Variants in PIK3CD observed in about 807,000 individuals in gnomAD.
PIK3CD encodes phosphatidylinositol 4,5-bisphosphate 3-kinase catalytic subunit delta isoform.
Under a neutral mutation model 122.9 loss-of-function variants are expected in PIK3CD, and 20 were observed. The observed-to-expected ratio is 0.16, with a 90% CI of 0.11 to 0.24. The LOEUF is 0.24. PIK3CD is among the 10% of genes least tolerant of loss of function. The pLI is 1.00. For missense variants in PIK3CD, 787 were observed against 1,406.3 expected (o/e 0.56, Z 7.04); for synonymous variants, 596 against 593.4 (o/e 1.00, Z -0.06).
Position 9,710,651 on chromosome 1 carries a change from A to G in PIK3CD, c.141+55A>G. The G allele has an allele frequency of 6.3e-7, 1 of 1,592,346 alleles. No individual in the cohort carries two copies. The highest frequency in any genetic ancestry group is 1.1e-5 in the South Asian group (1 of 90,338). On this transcript the variant is annotated intron_variant, in intron 3 of 23. Transcript: ENST00000377346. This position sits in a 1 kb window ranked among gnomAD's most constrained non-coding sequence, Gnocchi z 4.7. ...GGTGCTCAGAGAGAGAGAGAGAGAGAGAGACACAGATAGACAGACAGACAG... is the reference window on the plus strand; with the variant it reads ...GGTGCTCAGAGAGAGAGAGAGAGAGGGAGACACAGATAGACAGACAGACAG...
chr1:9,670,698 T>C (rs1424453091), intron 1 of PIK3CD, among the ~76,000 whole-genome samples: 4 of 152,172 alleles, frequency 2.6e-5, no homozygotes, highest in Non-Finnish European at 5.9e-5. Flanking sequence ...GTTTTTACCA[T>C]TGGATGAATG....
chr1:9,673,310 C>T (rs1014267324), intron 1 of PIK3CD, among the ~76,000 whole-genome samples: 3 of 151,940 alleles, frequency 2.0e-5, no homozygotes, highest in Admixed American at 6.6e-5. Context: ...CCCCGGCTGG[C>T]GTGTAATGGT....
intron 3 of PIK3CD, among the ~76,000 whole-genome samples, chr1:9,711,921 G>A (rs1428181762): frequency 6.6e-6 from 1 of 151,382 alleles, no homozygotes; most frequent in Non-Finnish European, 1.5e-5. Context: ...TTTTGAGATG[G>A]AGTCCCGCTC....
rs544185743 is a variant in PIK3CD at position 9,723,209 on chromosome 1, C to T, written c.2511C>T (p.Ile837=). The T allele has an allele frequency of 6.2e-7, 1 of 1,613,902 alleles. No individual in the cohort carries two copies. Among genetic ancestry groups the T allele is most frequent in the South Asian group, 1.1e-5 (1 of 91,086 alleles). Residue 837 remains isoleucine, a synonymous_variant, in exon 20 of 24, where the codon ATC becomes ATT. Transcript: ENST00000377346. The surrounding 1 kb of genome is among the most constrained non-coding windows in gnomAD (Gnocchi z 4.9). The part of the protein sequence containing the change: ...VVLRSDTIAN[I]QLNKSNMAAT... ...TCCGTTCAGACACCATCGCCAACAT[C>T]CAACTCAACAAGAGCAACATGGCAG...
chr1:9,635,692 G>A, the PIK3CD span, among the ~76,000 whole-genome samples: 1 of 152,216 alleles, frequency 6.6e-6, no homozygotes, highest in African/African-American at 2.4e-5. Flanking sequence ...AGCCGGAGCT[G>A]GGCATCCATT....
rs998200055 is a variant in PIK3CD, at chr1:9,715,898, C to T, written c.420C>T (p.Arg140=). The part of the protein sequence containing the change: ...SLCDPEVNDF[R]AKMCQFCEEA... Reference sequence around the variant, plus strand: ...GCGACCCAGAAGTGAACGACTTTCGCGCCAAGATGTGCCAATTCTGCGAGG... The same window carrying T: ...GCGACCCAGAAGTGAACGACTTTCGTGCCAAGATGTGCCAATTCTGCGAGG... Residue 140 remains arginine (R), a synonymous_variant, in exon 5 of 24, where the codon CGC becomes CGT. Transcript: ENST00000377346. This position sits in a 1 kb window ranked among gnomAD's most constrained non-coding sequence, Gnocchi z 4.1. 5.6e-6 allele frequency: 9 copies of T among 1,612,492 alleles called. No individual in the cohort carries two copies. The highest frequency in any genetic ancestry group is 5.3e-5 in the African/African-American group (4 of 74,944).
At chr1:9,666,377 G>T (rs904673550) in intron 1 of PIK3CD, among the ~76,000 whole-genome samples, 1 of 150,534 alleles carries the variant, frequency 6.6e-6, no homozygotes, top group Non-Finnish European at 1.5e-5. Flanking sequence ...GAGTGGCAGG[G>T]ATTACAGGCA....
chr1:9,667,700 C>T (rs991506586), intron 1 of PIK3CD, among the ~76,000 whole-genome samples: 7 of 151,048 alleles, frequency 4.6e-5, no homozygotes, highest in African/African-American at 1.7e-4. Flanking sequence ...CTAATAGGCT[C>T]AGAGGTAATT....
chr1:9,635,211 G>A, the PIK3CD span, among the ~76,000 whole-genome samples: 1 of 149,706 alleles, frequency 6.7e-6, no homozygotes, highest in South Asian at 2.2e-4. Flanking sequence ...GAAGGTGGAG[G>A]TTGCAGTAAG....
At chr1:9,655,456 C>CT (rs60265380) in intron 1 of PIK3CD, among the ~76,000 whole-genome samples, 40 of 111,236 alleles carry the variant, frequency 3.6e-4, no homozygotes, top group Non-Finnish European at 6.5e-4. Flanking sequence ...GCCCCCCCCC[C>CT]TTTTTTATTG....
rs1482118884 is a variant in PIK3CD, at chr1:9,727,069, C to A, written c.*23C>A. The A allele has an allele frequency of 6.2e-7, 1 of 1,613,860 alleles. No individual in the cohort carries two copies. The stretch of plus-strand genomic sequence containing the variant: ...TAGTGGCTCCTCCCAGCCCTGGGCC[C>A]AAGAGGAGGCGGCTGCGGGTCGTGG... On this transcript the variant is annotated 3_prime_UTR_variant, in exon 24 of 24. Transcript: ENST00000377346.
chr1:9,719,019 G>T lies in PIK3CD; in HGVS notation c.1242+104G>T. ...CCTCCCGGCAAGCACGCAGCCTGGG[G>T]ATGGGGGTCCTGGGATTGCTTGTGG... On this transcript the variant is annotated intron_variant, in intron 9 of 23. Coordinates refer to ENST00000377346, the MANE Select transcript of PIK3CD (RefSeq NM_005026.5). The surrounding 1 kb of genome is among the most constrained non-coding windows in gnomAD (Gnocchi z 5.5). 1 of 1,104,570 alleles carries T rather than the reference G, an allele frequency of 9.1e-7. No homozygotes were observed. Among genetic ancestry groups the T allele is most frequent in the Non-Finnish European group, 1.3e-6 (1 of 751,152 alleles). The allele number at this position is 1,104,570 out of a possible 1,614,324, so 68.4% of individuals were successfully genotyped here. A position where few individuals can be genotyped will look rare whatever the true frequency, so the allele number is the denominator to read the frequency against.
At chr1:9,673,969 C>T (rs920309481) in intron 1 of PIK3CD, among the ~76,000 whole-genome samples, 4 of 152,172 alleles carry the variant, frequency 2.6e-5, no homozygotes. Flanking sequence ...CATGCAGAGA[C>T]AGGAAGGAAG....
chr1:9,715,509 G>C lies in PIK3CD; in HGVS notation c.142-32G>C. On this transcript the variant is annotated intron_variant, in intron 3 of 23. Coordinates refer to ENST00000377346, the MANE Select transcript of PIK3CD (RefSeq NM_005026.5). The surrounding 1 kb of genome is among the most constrained non-coding windows in gnomAD (Gnocchi z 4.1). The stretch of plus-strand genomic sequence containing the variant: ...TCCCACCTCCCAGTGGCTGCCTTGG[G>C]TGGAGGGGCTGACCGGTGACTGTCC... 6.3e-7 allele frequency: 1 copy of C among 1,596,886 alleles called. No homozygotes were observed. Among genetic ancestry groups the C allele is most frequent in the Non-Finnish European group, 8.6e-7 (1 of 1,166,634 alleles).
At chr1:9,655,697 CTTTTTT>C (rs576002642) in intron 1 of PIK3CD, among the ~76,000 whole-genome samples, 2 of 120,762 alleles carry the variant, frequency 1.7e-5, no homozygotes, top group Non-Finnish European at 3.3e-5. Context: ...CTTTTTTCTT[CTTTTTT>C]TTTTTTTTTT....
chr1:9,630,560 A>G, the PIK3CD span, among the ~76,000 whole-genome samples: 2,909 of 152,344 alleles, frequency 0.019, 94 homozygotes, highest in South Asian at 0.096. Context: ...CAGCTGAGCG[A>G]ATAGGCAATC....
chr1:9,716,205 C>A, intron 5 of PIK3CD, 127 bp downstream of exon 5: 3 of 924,726 alleles, frequency 3.2e-6, no homozygotes, highest in Admixed American at 2.0e-5. Context: ...TGCCAGGTGT[C>A]TGTGCATGTG....
chr1:9,723,335 AG>A lies in PIK3CD; in HGVS notation c.2594+45del. 1 of 1,603,740 alleles carries A rather than the reference AG, an allele frequency of 6.2e-7. No homozygotes were observed. The highest frequency in any genetic ancestry group is 8.5e-7 in the Non-Finnish European group (1 of 1,171,150). On this transcript the variant is annotated intron_variant, in intron 20 of 23. Transcript: ENST00000377346. This position sits in a 1 kb window ranked among gnomAD's most constrained non-coding sequence, Gnocchi z 4.9. ...GGATAGGTTCCCTCTCCTTTCCAAG[AG>A]GTGTGGAGTGGGAGGGCCTCGCCTG...
chr1:9,689,686 A>G lies in PIK3CD; in HGVS notation c.-137-1781A>G, dbSNP rs893708193. Among the ~76,000 whole-genome samples, 184 of 149,920 alleles carry G rather than the reference A, an allele frequency of 1.2e-3. No homozygotes were observed. The highest frequency in any genetic ancestry group is 1.6e-3 in the Admixed American group (24 of 15,168). ...CTGTGTCCCCTGGGCAACTGTCTCC[A>G]GGGAGATCGGGCCCCGCCCCCGGCA... On this transcript the variant is annotated intron_variant, in intron 1 of 23. Transcript: ENST00000377346. This position sits in a 1 kb window ranked among gnomAD's most constrained non-coding sequence, Gnocchi z 6.1.
Sources: gnomAD v4.1 joint callset for allele counts (sites outside exome capture counted in the v4.1 genomes callset) on GRCh38, gnomAD v4.1.1 for gene constraint, Gnocchi (gnomAD v3.1) non-coding constraint, MANE v1.5 for transcripts, NCBI Gene and HGNC (gene_info 2026-07-23, HGNC 2026-07-21) for gene names.